KALRN: variants seen among roughly 807,000 people sequenced by gnomAD.
The protein encoded by KALRN is kalirin RhoGEF kinase.
Under a neutral mutation model 353.7 loss-of-function variants are expected in KALRN, and 70 were observed. That is an observed-to-expected ratio of 0.20 (90% CI 0.16 to 0.24). KALRN has a LOEUF of 0.24. KALRN is among the 10% of genes least tolerant of loss of function. KALRN has a pLI of 1.00. For missense variants in KALRN, 2,791 were observed against 3,756.7 expected (o/e 0.74, Z 6.72); for synonymous variants, 1,391 against 1,434.8 (o/e 0.97, Z 0.69).
At chr3:124,633,262 C>T (rs75482167) in intron 35 of KALRN, among the ~76,000 whole-genome samples, 12,732 of 152,240 alleles carry the variant, frequency 0.084, 630 homozygotes, top group Middle Eastern at 0.19. Flanking sequence ...AACTAATGAA[C>T]GCCCATACTG....
chr3:124,204,115 T>C (rs747164408), intron 1 of KALRN, among the ~76,000 whole-genome samples: 3 of 152,158 alleles, frequency 2.0e-5, no homozygotes, highest in Non-Finnish European at 4.4e-5. Context: ...CCCCTGTAGA[T>C]CTCTGTTCTA....
chr3:124,067,462 T>C (rs1202636629), intron 1 of KALRN, among the ~76,000 whole-genome samples: 1 of 152,056 alleles, frequency 6.6e-6, no homozygotes, highest in African/African-American at 2.4e-5. Context: ...ACATGGTTTA[T>C]TAAATCAATT....
At chr3:124,486,023 A>G (rs1256366378) in intron 28 of KALRN, among the ~76,000 whole-genome samples, 1 of 152,240 alleles carries the variant, frequency 6.6e-6, no homozygotes, top group Non-Finnish European at 1.5e-5. Context: ...TTTCAAATAC[A>G]TGTATATTTA....
At chr3:124,112,562 T>C (rs1429154313) in intron 1 of KALRN, among the ~76,000 whole-genome samples, 1 of 152,156 alleles carries the variant, frequency 6.6e-6, no homozygotes, top group Non-Finnish European at 1.5e-5. Flanking sequence ...TGTCCCCAAC[T>C]GCACCACTGG....
At chr3:124,532,223 T>A (rs1194432259) in intron 33 of KALRN, among the ~76,000 whole-genome samples, 1 of 152,242 alleles carries the variant, frequency 6.6e-6, no homozygotes, top group Non-Finnish European at 1.5e-5. Flanking sequence ...TGTAAGAACA[T>A]GCCACATATG....
At chr3:124,164,046 C>T (rs2070426707) in intron 1 of KALRN, 1 of 904,618 alleles carries the variant, frequency 1.1e-6, no homozygotes, top group African/African-American at 1.8e-5. Context: ...TGTACACAGT[C>T]AGTTTTTATA....
chr3:124,213,965 G>A (rs1439339164), intron 1 of KALRN, among the ~76,000 whole-genome samples: 1 of 152,126 alleles, frequency 6.6e-6, no homozygotes, highest in Non-Finnish European at 1.5e-5. Flanking sequence ...AACTTTTTAA[G>A]TGTATGAATA....
At chr3:124,670,085 T>C (rs116348984) in intron 47 of KALRN, among the ~76,000 whole-genome samples, 4,237 of 152,168 alleles carry the variant, frequency 0.028, 80 homozygotes, top group East Asian at 0.078. Flanking sequence ...ATTCTCATGC[T>C]TCAGCCTCCT....
rs1395839750 is a variant in KALRN at position 124,464,219 on chromosome 3, A to G, written c.4031+1586A>G. 3.3e-5 allele frequency among the ~76,000 whole-genome samples: 5 copies of G among 152,212 alleles called. No homozygotes were observed. In the East Asian group the frequency reaches 9.6e-4, roughly 29 times the overall value. ...GCTTATGGTCTCTGGGATTTACTCA[A>G]CAAGTCTCACTTTCCCCATGTTCTT... On this transcript the variant is annotated intron_variant, in intron 25 of 59. Transcript: ENST00000682506.
At chr3:124,395,609 T>A in intron 12 of KALRN, 1 of 437,070 alleles carries the variant, frequency 2.3e-6, no homozygotes, top group East Asian at 3.8e-5. Context: ...ACAACAAAAA[T>A]TAACAAAAGA....
At chr3:124,665,243 GTCTTCTTGTTGC>G in intron 45 of KALRN, among the ~76,000 whole-genome samples, 1 of 152,112 alleles carries the variant, frequency 6.6e-6, no homozygotes, top group Admixed American at 6.5e-5. Flanking sequence ...TGATGTCAGG[GTCTTCTTGTTGC>G]AAAGCAATAG....
rs377443005 is a variant in KALRN at position 124,619,316 on chromosome 3, T to G, written c.5183-13104T>G. On this transcript the variant is annotated intron_variant, in intron 34 of 59. Transcript: ENST00000682506. ...TACATCAGTTTCTTTATTCCTTGGTTTGTTGGCAAACACTTAGATGGTTGC... is the reference window on the plus strand; with the variant it reads ...TACATCAGTTTCTTTATTCCTTGGTGTGTTGGCAAACACTTAGATGGTTGC... 5.4e-4 allele frequency among the ~76,000 whole-genome samples: 82 copies of G among 152,250 alleles called. No homozygotes were observed. The Middle Eastern group carries it at 0.014, about 25-fold the overall frequency.
rs1360594039 is a variant in KALRN at position 124,264,507 on chromosome 3, G to A, written c.273G>A (p.Val91=). Reference sequence around the variant, plus strand: ...TCTGACCTCCCCACAGTGAGGACGTGTGCAAACGTGGCTTCACTGTCATCA... The same window carrying A: ...TCTGACCTCCCCACAGTGAGGACGTATGCAAACGTGGCTTCACTGTCATCA... ...TYLASVPSED[V]CKRGFTVIID... is the part of the protein sequence containing the mutation. The change falls in exon 4 of 60, where the codon GTG becomes GTA. Residue 91 remains valine, a synonymous_variant. Coordinates refer to ENST00000682506, the MANE Select transcript of KALRN (RefSeq NM_001388419.1). 3 of 1,613,942 alleles carry A rather than the reference G, an allele frequency of 1.9e-6. No homozygotes were observed. Among genetic ancestry groups the A allele is most frequent in the Admixed American group, 3.3e-5 (2 of 60,026 alleles).
intron 5 of KALRN, among the ~76,000 whole-genome samples, chr3:124,294,258 A>G (rs56680898): frequency 0.011 from 1,630 of 152,088 alleles, 32 homozygotes; most frequent in African/African-American, 0.037. Flanking sequence ...AAAGTCTTAC[A>G]GCCATATGAG....
chr3:124,336,700 T>C (rs1456068744), intron 9 of KALRN, among the ~76,000 whole-genome samples: 1 of 152,186 alleles, frequency 6.6e-6, no homozygotes, highest in Admixed American at 6.5e-5. Flanking sequence ...TTCTGCATCA[T>C]GCTTTCAAAA....
chr3:124,163,591 A>G, intron 1 of KALRN: 1 of 985,024 alleles, frequency 1.0e-6, no homozygotes, highest in South Asian at 4.7e-5. Context: ...GACACATAAT[A>G]GGTTGAACAC....
chr3:124,482,931 A>C (rs2062138099), intron 28 of KALRN, 31 bp downstream of exon 28: 2 of 1,397,378 alleles, frequency 1.4e-6, no homozygotes, highest in Non-Finnish European at 2.0e-6. Flanking sequence ...ATCCCCCTCC[A>C]CTGCCTACTG....
At chr3:124,568,803 T>C (rs964991686) in intron 34 of KALRN, among the ~76,000 whole-genome samples, 5 of 152,142 alleles carry the variant, frequency 3.3e-5, no homozygotes. Context: ...ACTTTTTAGA[T>C]GTAGAAAGAA....
rs186717627 is a variant in KALRN at position 124,069,784 on chromosome 3, C to A, written c.73+35971C>A. Among the ~76,000 whole-genome samples the A allele has an allele frequency of 3.8e-3, 583 of 152,224 alleles. 1 individual carries two copies. The highest frequency in any genetic ancestry group is 6.1e-3 in the Non-Finnish European group (413 of 68,004). On this transcript the variant is annotated intron_variant, in intron 1 of 59. Transcript: ENST00000682506. ...GAGTAGATACCACATGCAGCTGAAG[C>A]TCAGAGGAAAGGGAGGTGAGCTTTG...
Sources: allele counts gnomAD v4.1 joint callset (sites outside exome capture counted in the v4.1 genomes callset), GRCh38; gene constraint gnomAD v4.1.1; transcripts MANE v1.5; gene names NCBI Gene and HGNC (gene_info 2026-07-23, HGNC 2026-07-21).